Variants in CHD9 observed in about 807,000 individuals in gnomAD.
CHD9 encodes ATP-dependent chromatin remodeler CHD9.
Under a neutral mutation model 316.1 loss-of-function variants are expected in CHD9, and 77 were observed. The observed-to-expected ratio is 0.24, with a 90% confidence interval of 0.20 to 0.29. The LOEUF is 0.29. CHD9 is among the 10% of genes least tolerant of loss of function. The pLI, the probability that CHD9 is intolerant of heterozygous loss-of-function variation, is 1.00. For missense variants in CHD9, 2,763 were observed against 3,438.1 expected, an observed-to-expected ratio of 0.80 and a Z score of 4.91; for synonymous variants, 1,129 against 1,158.3, an observed-to-expected ratio of 0.97 and a Z score of 0.51.
At position 53,187,529 on chromosome 16, in the gene CHD9, G is replaced by A. The variant is rs201197654; in HGVS notation, c.1453-21953G>A. On this transcript the variant is annotated intron_variant, in intron 2 of 38. Transcript: ENST00000447540. ...AGAAAAAGAAAAAAAAGTGTAGAGTGAGAAAATGAGAGTTTTGGCCAGAGT... is the reference window on the plus strand; with the variant it reads ...AGAAAAAGAAAAAAAAGTGTAGAGTAAGAAAATGAGAGTTTTGGCCAGAGT... 9.2e-5 allele frequency among the ~76,000 whole-genome samples: 14 copies of A among 152,026 alleles called. No homozygotes were observed. The East Asian group carries it at 2.1e-3, about 23-fold the overall frequency.
chr16:53,216,691 A>G (rs1395540863), intron 3 of CHD9, among the ~76,000 whole-genome samples: 1 of 152,114 alleles, frequency 6.6e-6, no homozygotes, highest in Non-Finnish European at 1.5e-5. Context: ...AAATAGTTGT[A>G]TTATTCTGAA....
intron 1 of CHD9, among the ~76,000 whole-genome samples, chr16:53,111,359 G>C (rs773035079): frequency 4.6e-5 from 7 of 152,078 alleles, no homozygotes; most frequent in Non-Finnish European, 8.8e-5. Context: ...CCACTTTTCT[G>C]TTTTACATCT....
intron 2 of CHD9, among the ~76,000 whole-genome samples, chr16:53,202,537 ATTTT>A: frequency 6.6e-6 from 1 of 151,922 alleles, no homozygotes; most frequent in Non-Finnish European, 1.5e-5. Flanking sequence ...TACACTCTGG[ATTTT>A]ACTGATTACA....
At chr16:53,088,628 G>A (rs1454776671) in intron 1 of CHD9, among the ~76,000 whole-genome samples, 1 of 152,046 alleles carries the variant, frequency 6.6e-6, no homozygotes, top group African/African-American at 2.4e-5. Context: ...TAGGGACTGA[G>A]AGAGCAGGAG....
At chr16:53,122,511 G>T (rs1038706397) in intron 1 of CHD9, among the ~76,000 whole-genome samples, 1 of 149,944 alleles carries the variant, frequency 6.7e-6, no homozygotes. Context: ...GTACAATACT[G>T]TAACAAAGTT....
intron 19 of CHD9, among the ~76,000 whole-genome samples, chr16:53,261,801 A>G (rs781565257): frequency 6.6e-6 from 1 of 152,212 alleles, no homozygotes; most frequent in Non-Finnish European, 1.5e-5. Flanking sequence ...TCCCAGATAT[A>G]ATCACCACCT....
intron 2 of CHD9, among the ~76,000 whole-genome samples, chr16:53,209,064 A>T (rs773256749): frequency 6.6e-6 from 1 of 152,170 alleles, no homozygotes; most frequent in Non-Finnish European, 1.5e-5. Flanking sequence ...AAGCCATAAT[A>T]AACTGTATGG....
At chr16:53,128,240 T>C (rs1356633816) in intron 1 of CHD9, among the ~76,000 whole-genome samples, 1 of 152,018 alleles carries the variant, frequency 6.6e-6, no homozygotes, top group Non-Finnish European at 1.5e-5. Context: ...TGGAGTGCAA[T>C]GGCGCCATCT....
At chr16:53,077,754 G>C (rs2034668759) in intron 1 of CHD9, among the ~76,000 whole-genome samples, 1 of 152,118 alleles carries the variant, frequency 6.6e-6, no homozygotes, top group African/African-American at 2.4e-5. Context: ...TAAAACATTT[G>C]AAATCTACTT....
At chr16:53,145,984 A>G (rs560891952) in intron 1 of CHD9, among the ~76,000 whole-genome samples, 1 of 152,240 alleles carries the variant, frequency 6.6e-6, no homozygotes, top group East Asian at 1.9e-4. Flanking sequence ...CAAATCCTGT[A>G]TGATTGTACT....
chr16:53,319,150 T>C (rs1027432155), intron 37 of CHD9, among the ~76,000 whole-genome samples: 9 of 152,342 alleles, frequency 5.9e-5, no homozygotes, highest in Admixed American at 5.9e-4. Flanking sequence ...GTTTTGTATA[T>C]GTATAGCTTT....
chr16:53,085,447 T>C (rs1166997972), intron 1 of CHD9, among the ~76,000 whole-genome samples: 1 of 152,078 alleles, frequency 6.6e-6, no homozygotes, highest in Non-Finnish European at 1.5e-5. Flanking sequence ...GGGAGGACCT[T>C]CTATCCCCTG....
At chr16:53,296,406 T>C (rs1193834441) in intron 29 of CHD9, among the ~76,000 whole-genome samples, 1 of 151,766 alleles carries the variant, frequency 6.6e-6, no homozygotes, top group African/African-American at 2.4e-5. Flanking sequence ...CAGGACCTCC[T>C]GAGGCTGTCC....
At chr16:53,072,513 A>G (rs2034174788) in intron 1 of CHD9, among the ~76,000 whole-genome samples, 1 of 149,628 alleles carries the variant, frequency 6.7e-6, no homozygotes. Context: ...GCGACCCCCA[A>G]CCCCACCTCA....
chr16:53,286,498 A>T (rs1380734746), intron 26 of CHD9, among the ~76,000 whole-genome samples, 155 bp downstream of exon 26: 1 of 152,230 alleles, frequency 6.6e-6, no homozygotes, highest in Non-Finnish European at 1.5e-5. Flanking sequence ...ATAGGTTAGC[A>T]CTTATCCAAC....
At chr16:53,213,696 A>G (rs1026193658) in intron 3 of CHD9, among the ~76,000 whole-genome samples, 2 of 152,164 alleles carry the variant, frequency 1.3e-5, no homozygotes, top group African/African-American at 4.8e-5. Flanking sequence ...ATCGAATGGG[A>G]TTTCACATGA....
chr16:53,075,978 A>G (rs2034489404), intron 1 of CHD9, among the ~76,000 whole-genome samples: 1 of 152,114 alleles, frequency 6.6e-6, no homozygotes, highest in South Asian at 2.1e-4. Flanking sequence ...GTGGCATCTC[A>G]TTATAGCTTT....
rs376105331 is a variant in CHD9 at position 53,307,967 on chromosome 16, T to C, written c.7053+14T>C. On this transcript the variant is annotated intron_variant, in intron 33 of 38. Transcript: ENST00000447540. ...AAAATCAAAGACGTATGTGTATTTT[T>C]ATTGCCCTAGGGCCTGATTGCGATT... 2.7e-4 allele frequency: 432 copies of C among 1,577,636 alleles called. 7 individuals carry two copies. In the South Asian group the frequency reaches 4.8e-3, roughly 17 times the overall value.
intron 4 of CHD9, among the ~76,000 whole-genome samples, chr16:53,223,235 A>G (rs1331359822): frequency 6.7e-6 from 1 of 148,922 alleles, no homozygotes; most frequent in Non-Finnish European, 1.5e-5. Flanking sequence ...GACAGAAGAA[A>G]TACTATGCAT....
Sources: gnomAD v4.1 joint callset for allele counts (sites outside exome capture counted in the v4.1 genomes callset) on GRCh38, gnomAD v4.1.1 for gene constraint, MANE v1.5 for transcripts, NCBI Gene and HGNC (gene_info 2026-07-23, HGNC 2026-07-21) for gene names.